Variants in PLEKHG7 observed in about 807,000 individuals in gnomAD.
The protein encoded by PLEKHG7 is pleckstrin homology domain-containing family G member 7.
A neutral mutation model predicts 85.2 loss-of-function variants in PLEKHG7; 77 were observed. That is an observed-to-expected ratio of 0.90 (90% confidence interval 0.75 to 1.09). The LOEUF (loss-of-function observed/expected upper bound fraction) is 1.09, where lower values mean the gene tolerates loss of function less well. PLEKHG7 is among the 50% of genes least tolerant of loss of function. PLEKHG7 has a pLI of 0.00. For missense variants in PLEKHG7, 777 were observed against 804.3 expected (o/e 0.97, Z 0.41); for synonymous variants, 301 against 302.4 (o/e 1.00, Z 0.05).
intron 3 of PLEKHG7, among the ~76,000 whole-genome samples, chr12:92,720,791 C>A (rs886320534): frequency 6.6e-6 from 1 of 152,174 alleles, no homozygotes; most frequent in African/African-American, 2.4e-5. Context: ...GGACATATCA[C>A]TTTTGGGGGG....
chr12:92,737,613 G>A, intron 7 of PLEKHG7, 92 bp downstream of exon 7: 7 of 1,191,374 alleles, frequency 5.9e-6, no homozygotes, highest in South Asian at 5.2e-5. Flanking sequence ...ATAAAGAAAA[G>A]AAAGAGAGAA....
At chr12:92,737,558 T>C (rs752813538) in intron 7 of PLEKHG7, 37 bp downstream of exon 7, 7 of 1,588,966 alleles carry the variant, frequency 4.4e-6, no homozygotes, top group Non-Finnish European at 6.0e-6. Context: ...AGATGGAAAA[T>C]ATTAATTTGT....
At chr12:92,736,447 G>A in intron 5 of PLEKHG7, 35 bp from the exon 6 acceptor site, 1 of 1,173,012 alleles carries the variant, frequency 8.5e-7, no homozygotes. Flanking sequence ...AAGAATCAAT[G>A]TTTGAAAATC....
intron 3 of PLEKHG7, chr12:92,721,312 A>G (rs916755671): frequency 4.2e-6 from 2 of 476,870 alleles, no homozygotes; most frequent in Non-Finnish European, 6.7e-6. Flanking sequence ...GTGCTGACAC[A>G]TGGGTGCACG....
chr12:92,727,163 C>G (rs758650953), intron 3 of PLEKHG7, among the ~76,000 whole-genome samples: 23 of 152,186 alleles, frequency 1.5e-4, no homozygotes, highest in Non-Finnish European at 2.4e-4. Context: ...TCCTTCCTAA[C>G]AGAGTGGCAG....
rs12298831 is a variant in PLEKHG7 at position 92,740,054 on chromosome 12, C to A, written c.940-799C>A. On this transcript the variant is annotated intron_variant, in intron 7 of 16. Coordinates refer to ENST00000344636, the MANE Select transcript of PLEKHG7 (RefSeq NM_001377329.1). ...GTGATTCCGATGCAAGTTCAAGAAC[C>A]ACTCATTACACTAATGAAATAATAC... Among the ~76,000 whole-genome samples the A allele has an allele frequency of 1.7e-3, 266 of 152,260 alleles. 2 individuals carry two copies. Among genetic ancestry groups the A allele is most frequent in the African/African-American group, 6.3e-3 (261 of 41,530 alleles).
At chr12:92,733,489 T>C (rs1872051359) in intron 5 of PLEKHG7, among the ~76,000 whole-genome samples, 1 of 152,232 alleles carries the variant, frequency 6.6e-6, no homozygotes. Flanking sequence ...AAATTGTTAG[T>C]AAAATGGTAA....
chr12:92,718,574 CT>C (rs927583640), intron 3 of PLEKHG7, among the ~76,000 whole-genome samples: 5 of 152,098 alleles, frequency 3.3e-5, no homozygotes, highest in African/African-American at 1.2e-4. Context: ...TTGGACATGC[CT>C]TTTAGGGAAA....
At chr12:92,757,408 C>T (rs1469771942) in intron 13 of PLEKHG7, among the ~76,000 whole-genome samples, 2 of 152,042 alleles carry the variant, frequency 1.3e-5, no homozygotes, top group South Asian at 2.1e-4. Flanking sequence ...TGGGATGTTG[C>T]CTAACAGTGG....
rs1169607142 is a variant in PLEKHG7, at chr12:92,738,129, T to C, written c.939+608T>C. Among the ~76,000 whole-genome samples the C allele has an allele frequency of 2.0e-5, 3 of 152,238 alleles. No homozygotes were observed. The East Asian group carries it at 5.8e-4, about 29-fold the overall frequency. On this transcript the variant is annotated intron_variant, in intron 7 of 16. Coordinates refer to ENST00000344636, the MANE Select transcript of PLEKHG7 (RefSeq NM_001377329.1). ...GGCCACCATTGCAGATATAGGGGGC[T>C]ACCACCCACATGCAATTTAGTACTG...
chr12:92,749,954 T>A lies in PLEKHG7; in HGVS notation c.1252-4136T>A, dbSNP rs12313463. ...TATTTTATTTTATATTTTATTTTAT[T>A]TTATATTTTATTTTATATTTTATTT... On this transcript the variant is annotated intron_variant, in intron 10 of 16. Transcript: ENST00000344636. Among the ~76,000 whole-genome samples the A allele has an allele frequency of 5.6e-3, 458 of 82,268 alleles. 6 individuals carry two copies. The highest frequency in any genetic ancestry group is 0.02 in the African/African-American group (375 of 18,898). The allele number at this position is 82,268 out of a possible 152,430, so 54.0% of individuals were successfully genotyped here. A position where few individuals can be genotyped will look rare whatever the true frequency, so the allele number is the denominator to read the frequency against.
intron 15 of PLEKHG7, 76 bp from the exon 16 acceptor site, chr12:92,768,907 G>A (rs1873304858): frequency 9.6e-7 from 1 of 1,037,216 alleles, no homozygotes; most frequent in Non-Finnish European, 1.4e-6. Context: ...ACAAACCCCA[G>A]ATTCTTGTAC....
chr12:92,728,729 T>G lies in PLEKHG7; in HGVS notation c.531-264T>G, dbSNP rs566651204. ...AACATGTGTACAGGTGTCTTTTTTA[T>G]ATTATGATTTCTTTTCCTTTGGGTA... On this transcript the variant is annotated intron_variant, in intron 3 of 16. Coordinates refer to ENST00000344636, the MANE Select transcript of PLEKHG7 (RefSeq NM_001377329.1). Among the ~76,000 whole-genome samples, 3 of 152,158 alleles carry G rather than the reference T, an allele frequency of 2.0e-5. No homozygotes were observed. In the East Asian group the frequency reaches 5.8e-4, roughly 29 times the overall value.
chr12:92,727,013 G>C (rs1871834787), intron 3 of PLEKHG7, among the ~76,000 whole-genome samples: 1 of 152,176 alleles, frequency 6.6e-6, no homozygotes, highest in African/African-American at 2.4e-5. Context: ...AGAACAAGCA[G>C]GGTGCATTTG....
intron 10 of PLEKHG7, among the ~76,000 whole-genome samples, chr12:92,749,892 AT>A (rs1872637796): frequency 1.5e-5 from 2 of 135,976 alleles, no homozygotes; most frequent in Admixed American, 1.4e-4. Context: ...TTTTTATTTT[AT>A]TTTATTTTAT....
chr12:92,713,616 A>C (rs1871407288), intron 3 of PLEKHG7, among the ~76,000 whole-genome samples: 1 of 152,200 alleles, frequency 6.6e-6, no homozygotes, highest in Non-Finnish European at 1.5e-5. Context: ...GGCTCTTCAA[A>C]AATGCAGGTC....
chr12:92,748,327 A>G (rs888731397), intron 10 of PLEKHG7, among the ~76,000 whole-genome samples: 1 of 151,036 alleles, frequency 6.6e-6, no homozygotes, highest in African/African-American at 2.5e-5. Context: ...GCTCGCTGCA[A>G]CCTCCGTCTC....
rs768237157 is a variant in PLEKHG7, at chr12:92,741,487, C to T, written c.1036-4C>T. 6.2e-7 allele frequency: 1 copy of T among 1,603,488 alleles called. No individual in the cohort carries two copies. Among genetic ancestry groups the T allele is most frequent in the Non-Finnish European group, 8.5e-7 (1 of 1,175,142 alleles). ...ATTTTTGTTTTCTTTCTCTCTGTCC[C>T]TAGACAAGCCTTGGTTTTGTGAACA... On this transcript the variant is annotated splice_region_variant and splice_polypyrimidine_tract_variant and intron_variant, in intron 8 of 16. Coordinates refer to ENST00000344636, the MANE Select transcript of PLEKHG7 (RefSeq NM_001377329.1).
intron 4 of PLEKHG7, among the ~76,000 whole-genome samples, chr12:92,730,892 A>T (rs745548298): frequency 1.3e-5 from 2 of 152,100 alleles, no homozygotes; most frequent in Non-Finnish European, 2.9e-5. Context: ...CCTCCTCCCT[A>T]TACCCCTCTG....
Sources: allele counts gnomAD v4.1 joint callset (sites outside exome capture counted in the v4.1 genomes callset), GRCh38; gene constraint gnomAD v4.1.1; transcripts MANE v1.5; gene names NCBI Gene and HGNC (gene_info 2026-07-23, HGNC 2026-07-21).